Variants in AVL9 observed in about 807,000 individuals in gnomAD.
AVL9 encodes the protein AVL9 cell migration associated.
AVL9 carries 49 observed loss-of-function variants against 79.2 expected under a neutral mutation model. That is an observed-to-expected ratio of 0.62 (90% CI 0.49 to 0.79). The LOEUF is 0.79. AVL9 is among the 30% of genes least tolerant of loss of function. The probability of loss-of-function intolerance (pLI) is 0.00; values close to 1 mark genes in which losing one functional copy is unlikely to be tolerated. For synonymous variants in AVL9, 299 were observed against 280.6 expected, an observed-to-expected ratio of 1.07 and a Z score of -0.65; for missense variants, 682 against 776.8, an observed-to-expected ratio of 0.88 and a Z score of 1.45.
At chr7:32,524,493 C>T (rs988942192) in intron 1 of AVL9, among the ~76,000 whole-genome samples, 3 of 151,478 alleles carry the variant, frequency 2.0e-5, no homozygotes, top group Non-Finnish European at 2.9e-5. Context: ...CCTCCCTGGG[C>T]GGCTGAGCGA....
chr7:32,585,589 A>T lies in AVL9; in HGVS notation c.*1682A>T. The T allele has an allele frequency of 6.6e-6, 1 of 152,218 alleles. No homozygotes were observed. Among genetic ancestry groups the T allele is most frequent in the East Asian group, 1.9e-4 (1 of 5,204 alleles). The allele number at this position is 152,218 out of a possible 1,614,324, so 9.4% of individuals were successfully genotyped here. Reference sequence around the variant, plus strand: ...GGAAATAAAGGAGGGCCCTGATTATATTTGGTTTATTCCTCACTAAATGTT... The same window carrying T: ...GGAAATAAAGGAGGGCCCTGATTATTTTTGGTTTATTCCTCACTAAATGTT... On this transcript the variant is annotated 3_prime_UTR_variant, in exon 16 of 16. Coordinates refer to ENST00000318709, the MANE Select transcript of AVL9 (RefSeq NM_015060.3).
At chr7:32,529,260 A>G (rs568515130) in intron 1 of AVL9, among the ~76,000 whole-genome samples, 86 of 152,250 alleles carry the variant, frequency 5.6e-4, no homozygotes, top group Admixed American at 7.2e-4. Flanking sequence ...AAACAGAACA[A>G]AGGGCAGATT....
rs142915562 is a variant in AVL9, at chr7:32,521,349, C to T, written c.94-21792C>T. On this transcript the variant is annotated intron_variant, in intron 1 of 15. Coordinates refer to ENST00000318709, the MANE Select transcript of AVL9 (RefSeq NM_015060.3). ...ATGGCTTTGCCCAAAATACTGATAA[C>T]GATATGGACAGTAAGGTCCAGGCTG... Among the ~76,000 whole-genome samples the T allele has an allele frequency of 8.0e-3, 1,220 of 152,222 alleles. 19 individuals are homozygous for T. Among genetic ancestry groups the T allele is most frequent in the African/African-American group, 0.026 (1,098 of 41,530 alleles).
At chr7:32,559,692 A>G (rs1790248454) in intron 10 of AVL9, among the ~76,000 whole-genome samples, 1 of 152,192 alleles carries the variant, frequency 6.6e-6, no homozygotes, top group African/African-American at 2.4e-5. Flanking sequence ...CTTAGTAGAT[A>G]TGAGTCATAT....
chr7:32,567,300 C>T (rs767870329), intron 10 of AVL9, among the ~76,000 whole-genome samples: 2 of 152,122 alleles, frequency 1.3e-5, no homozygotes, highest in Non-Finnish European at 2.9e-5. Context: ...TGGAGTTTCA[C>T]CGTGTTGCTC....
intron 3 of AVL9, among the ~76,000 whole-genome samples, chr7:32,547,882 G>A (rs1789596405): frequency 6.6e-6 from 1 of 152,206 alleles, no homozygotes; most frequent in African/African-American, 2.4e-5. Context: ...GAAGGTGTCA[G>A]GCAGTACACT....
rs145007010 is a variant in AVL9, at chr7:32,503,012, T to C, written c.93+7210T>C. Reference sequence around the variant, plus strand: ...TGTGTGAAATAAAATGACTCAGTCATGGGTTTTGAAAGGAAACCTAAAGCC... The same window carrying C: ...TGTGTGAAATAAAATGACTCAGTCACGGGTTTTGAAAGGAAACCTAAAGCC... On this transcript the variant is annotated intron_variant, in intron 1 of 15. Coordinates refer to ENST00000318709, the MANE Select transcript of AVL9 (RefSeq NM_015060.3). Among the ~76,000 whole-genome samples, 57 of 152,310 alleles carry C rather than the reference T, an allele frequency of 3.7e-4. No homozygotes were observed. In the East Asian group the frequency reaches 9.6e-3, roughly 26 times the overall value.
intron 6 of AVL9, among the ~76,000 whole-genome samples, chr7:32,553,489 G>A (rs1167214347): frequency 1.3e-5 from 2 of 152,024 alleles, no homozygotes; most frequent in Non-Finnish European, 2.9e-5. Context: ...GCTCTGTATT[G>A]GCTACTGTAT....
chr7:32,513,086 TA>T (rs1251356646), intron 1 of AVL9, among the ~76,000 whole-genome samples: 4 of 152,206 alleles, frequency 2.6e-5, no homozygotes, highest in Non-Finnish European at 1.5e-5. Flanking sequence ...AGTACTGCCT[TA>T]AAGCCAGCAC....
Position 32,584,271 on chromosome 7 carries a change from T to A in AVL9, c.*364T>A, listed in dbSNP as rs896457357. The A allele has an allele frequency of 2.2e-4, 49 of 219,648 alleles. No homozygotes were observed. Among genetic ancestry groups the A allele is most frequent in the Admixed American group, 5.2e-4 (10 of 19,318 alleles). The allele number at this position is 219,648 out of a possible 1,614,324, so 13.6% of individuals were successfully genotyped here. ...GGTGTTTGAATATCTAGATGGTCAC[T>A]GTAATTTATACTTGCTAAAATTAAT... On this transcript the variant is annotated 3_prime_UTR_variant, in exon 16 of 16. Coordinates refer to ENST00000318709, the MANE Select transcript of AVL9 (RefSeq NM_015060.3).
chr7:32,580,128 A>AT, intron 13 of AVL9, 91 bp from the exon 14 acceptor site: 1 of 1,024,722 alleles, frequency 9.8e-7, no homozygotes, highest in South Asian at 1.4e-5. Flanking sequence ...TGTGTTGTCC[A>AT]TGAGAAGTTT....
Position 32,579,435 on chromosome 7 carries a change from T to TACA in AVL9, c.1689-783_1689-782insCAA, listed in dbSNP as rs1226903238. On this transcript the variant is annotated intron_variant, in intron 13 of 15. Coordinates refer to ENST00000318709, the MANE Select transcript of AVL9 (RefSeq NM_015060.3). ...TAATATGTTATATATATAATATATA[T>TACA]ATTATATATAATATATTATATATTA... 1.1e-3 allele frequency among the ~76,000 whole-genome samples: 13 copies of TACA among 11,762 alleles called. 3 individuals are homozygous for TACA. Among genetic ancestry groups the TACA allele is most frequent in the African/African-American group, 4.5e-3 (12 of 2,676 alleles). The allele number at this position is 11,762 out of a possible 152,430, so 7.7% of individuals were successfully genotyped here.
At chr7:32,563,037 T>C (rs56112290) in intron 10 of AVL9, among the ~76,000 whole-genome samples, 108,332 of 152,076 alleles carry the variant, frequency 0.71, 39,084 homozygotes, top group South Asian at 0.85. Context: ...TTGTTGTGTT[T>C]TGTTTTGTTT....
intron 1 of AVL9, among the ~76,000 whole-genome samples, chr7:32,541,459 A>G (rs787219): frequency 0.71 from 107,787 of 151,922 alleles, 38,372 homozygotes; most frequent in South Asian, 0.86. Context: ...TATAAAATAT[A>G]ATTATTTATT....
chr7:32,570,113 C>G lies in AVL9; in HGVS notation c.1309C>G (p.Leu437Val). Residue 437 changes from leucine (L) to valine (V), a missense_variant, in exon 11 of 16, where the codon CTT becomes GTT. Physicochemically the swap from Leu to Val is conservative, Grantham distance 32. Transcript: ENST00000318709. ...GTTTGTTGCTGGAGCTACTAACATC[C>G]TTTTTCGACAACAGAAACACCTCAG... ...RGFVAGATNILFRQQKHLSDA... is the reference protein window; with the variant it reads ...RGFVAGATNIVFRQQKHLSDA... 1 of 1,614,186 alleles carries G rather than the reference C, an allele frequency of 6.2e-7. No homozygotes were observed. The highest frequency in any genetic ancestry group is 1.1e-5 in the South Asian group (1 of 91,090).
At chr7:32,512,463 G>C (rs1787721992) in intron 1 of AVL9, among the ~76,000 whole-genome samples, 1 of 152,182 alleles carries the variant, frequency 6.6e-6, no homozygotes, top group Non-Finnish European at 1.5e-5. Flanking sequence ...AAAGCAGGTG[G>C]GACTAGAACT....
At chr7:32,526,580 TC>T (rs1788409451) in intron 1 of AVL9, among the ~76,000 whole-genome samples, 1 of 152,156 alleles carries the variant, frequency 6.6e-6, no homozygotes, top group African/African-American at 2.4e-5. Flanking sequence ...GCTCCTGGGT[TC>T]CCTTCCCCTA....
At chr7:32,582,228 A>G (rs1791543762) in intron 15 of AVL9, among the ~76,000 whole-genome samples, 1 of 152,226 alleles carries the variant, frequency 6.6e-6, no homozygotes, top group South Asian at 2.1e-4. Context: ...TTGTCATACA[A>G]TGTGTTGTAA....
At chr7:32,542,429 G>A (rs968810803) in intron 1 of AVL9, among the ~76,000 whole-genome samples, 9 of 150,190 alleles carry the variant, frequency 6.0e-5, no homozygotes, top group Admixed American at 1.3e-4. Flanking sequence ...GGTGGCACAC[G>A]CCTGTAATCC....
Sources: gnomAD v4.1 joint callset for allele counts (sites outside exome capture counted in the v4.1 genomes callset) on GRCh38, gnomAD v4.1.1 for gene constraint, MANE v1.5 for transcripts, NCBI Gene and HGNC (gene_info 2026-07-23, HGNC 2026-07-21) for gene names.